Variants in NCR1 observed in about 807,000 individuals in gnomAD.
NCR1 encodes natural cytotoxicity triggering receptor 1, also known as NK cell-activating receptor.
NCR1 carries 30 observed loss-of-function variants against 32.5 expected under a neutral mutation model. That is an observed-to-expected ratio of 0.92 (90% CI 0.69 to 1.25). The LOEUF is 1.25. NCR1 is among the 50% of genes most tolerant of loss of function. NCR1 has a pLI of 0.00. For synonymous variants in NCR1, 169 were observed against 143.4 expected (o/e 1.18, Z -1.28); for missense variants, 369 against 380.7 (o/e 0.97, Z 0.26).
the NCR1 span, chr19:54,927,571 AAAAACAAAAC>A: frequency 3.2e-6 from 5 of 1,559,778 alleles, no homozygotes; most frequent in East Asian, 4.7e-5. Flanking sequence ...AACAAAAACA[AAAAACAAAAC>A]AAAACAAAAC....
chr19:54,929,503 C>T, the NCR1 span, among the ~76,000 whole-genome samples: 1 of 152,158 alleles, frequency 6.6e-6, no homozygotes, highest in East Asian at 1.9e-4. Context: ...CCAAGAGATG[C>T]AACTGACAAA....
downstream of NCR1, among the ~76,000 whole-genome samples, chr19:54,920,284 C>T (rs924155169): frequency 6.6e-6 from 1 of 152,046 alleles, no homozygotes; most frequent in South Asian, 2.1e-4. Flanking sequence ...GGCCACATCC[C>T]GAGAGGTTTT....
At chr19:54,910,463 A>G (rs1167608849) in intron 5 of NCR1, among the ~76,000 whole-genome samples, 1 of 152,022 alleles carries the variant, frequency 6.6e-6, no homozygotes, top group Non-Finnish European at 1.5e-5. Flanking sequence ...CCAGCTACTC[A>G]GGAGGCTGAG....
upstream of NCR1, among the ~76,000 whole-genome samples, chr19:54,904,233 C>T (rs143168082): frequency 6.1e-3 from 917 of 151,114 alleles, 9 homozygotes; most frequent in African/African-American, 0.021. Context: ...TTTATTGAAA[C>T]ATTATAACAC....
At chr19:54,933,215 G>A in the NCR1 span, among the ~76,000 whole-genome samples, 8 of 151,954 alleles carry the variant, frequency 5.3e-5, no homozygotes, top group South Asian at 2.1e-4. Context: ...GTGCGATCTC[G>A]GCTCACTGCA....
the NCR1 span, chr19:54,933,537 T>G: frequency 2.5e-6 from 4 of 1,607,970 alleles, no homozygotes; most frequent in African/African-American, 2.7e-5. Context: ...TGAATTCATG[T>G]GCACACACAC....
chr19:54,912,842 A>G lies in NCR1; in HGVS notation c.886A>G (p.Arg296Gly), dbSNP rs371941780. 13 of 1,613,754 alleles carry G rather than the reference A, an allele frequency of 8.1e-6. No individual in the cohort carries two copies. The highest frequency in any genetic ancestry group is 2.7e-5 in the African/African-American group (2 of 74,870). ...CAGCAGAGCTTCCACTTGGGAAGGC[A>G]GGAGAAGGCTGAACACACAGACTCT... ...RASRASTWEGRRRLNTQTL is the reference protein window; with the variant it reads ...RASRASTWEGGRRLNTQTL Residue 296 changes from arginine to glycine, a missense_variant, in exon 7 of 7, where the codon AGG (arginine) becomes GGG (glycine). Transcript: ENST00000291890.
the NCR1 span, among the ~76,000 whole-genome samples, chr19:54,900,874 G>A: frequency 6.6e-6 from 1 of 152,022 alleles, no homozygotes; most frequent in African/African-American, 2.4e-5. Context: ...AAATTAGACT[G>A]TGTTGACGGT....
Position 54,912,813 on chromosome 19 carries a change from G to T in NCR1, c.857G>T (p.Arg286Leu). 6.2e-7 allele frequency: 1 copy of T among 1,613,696 alleles called. No homozygotes were observed. Among genetic ancestry groups the T allele is most frequent in the Non-Finnish European group, 8.5e-7 (1 of 1,179,984 alleles). ...CTCAGCAGGAAGAGGACTAGAGAGCGAGCCAGCAGAGCTTCCACTTGGGAA... is the reference window on the plus strand; with the variant it reads ...CTCAGCAGGAAGAGGACTAGAGAGCTAGCCAGCAGAGCTTCCACTTGGGAA... The part of the protein sequence containing the change: ...DWLSRKRTRE[R>L]ASRASTWEGR... The change falls in exon 7 of 7, where the codon CGA becomes CTA. Residue 286 changes from arginine to leucine, a missense_variant. Arg to Leu is a moderately radical substitution (Grantham distance 102). Coordinates refer to ENST00000291890, the MANE Select transcript of NCR1 (RefSeq NM_004829.7).
downstream of NCR1, chr19:54,915,859 A>AAC (rs1039967350): frequency 4.8e-5 from 7 of 147,116 alleles, no homozygotes; most frequent in African/African-American, 1.0e-4. Context: ...AAAAAAAAAA[A>AAC]ACCACATAGG....
chr19:54,937,355 T>A, the NCR1 span, among the ~76,000 whole-genome samples: 1 of 151,936 alleles, frequency 6.6e-6, no homozygotes, highest in South Asian at 2.1e-4. Flanking sequence ...CCTGTACTTG[T>A]ACCTACTTTT....
chr19:54,927,862 C>T, the NCR1 span: 14 of 1,198,330 alleles, frequency 1.2e-5, no homozygotes, highest in South Asian at 7.3e-5. Context: ...GAGGCCAAGG[C>T]GGGTGGATCA....
the NCR1 span, among the ~76,000 whole-genome samples, chr19:54,931,698 A>C: frequency 6.6e-6 from 1 of 151,884 alleles, no homozygotes. Context: ...AAAAAAAAAA[A>C]AATTAGCCAG....
downstream of NCR1, among the ~76,000 whole-genome samples, chr19:54,914,743 CT>C (rs58541136): frequency 0.022 from 3,207 of 143,328 alleles, 76 homozygotes; most frequent in African/African-American, 0.07. Flanking sequence ...AAAGATAGCA[CT>C]TTTTTTTTTT....
At chr19:54,934,519 G>A in the NCR1 span, 1 of 1,614,170 alleles carries the variant, frequency 6.2e-7, no homozygotes, top group Admixed American at 1.7e-5. The surrounding 1 kb of genome is among the most constrained non-coding windows in gnomAD (Gnocchi z 6.7). Context: ...TTTTGGGCGT[G>A]TCATGGTCTT....
chr19:54,927,195 C>A, the NCR1 span, among the ~76,000 whole-genome samples: 1 of 151,906 alleles, frequency 6.6e-6, no homozygotes, highest in Non-Finnish European at 1.5e-5. Context: ...TCAAGACTAG[C>A]CTGGCCAACA....
upstream of NCR1, among the ~76,000 whole-genome samples, chr19:54,903,489 TACATATATGTATGTATAC>T (rs1162424408): frequency 8.1e-6 from 1 of 123,788 alleles, no homozygotes; most frequent in Non-Finnish European, 1.7e-5. Context: ...TGTATGTATA[TACATATATGTATGTATAC>T]ACGCATACAT....
the NCR1 span, chr19:54,933,638 A>G: frequency 6.6e-5 from 106 of 1,613,988 alleles, no homozygotes; most frequent in South Asian, 9.9e-5. Context: ...TGTATCCCCA[A>G]TGGGGTTCTT....
chr19:54,925,184 T>G, the NCR1 span, among the ~76,000 whole-genome samples: 2 of 151,896 alleles, frequency 1.3e-5, no homozygotes, highest in African/African-American at 4.8e-5. Context: ...AACTGAGGAA[T>G]GAGAAAAGAA....
Sources: allele counts gnomAD v4.1 joint callset (sites outside exome capture counted in the v4.1 genomes callset), GRCh38; gene constraint gnomAD v4.1.1; non-coding constraint Gnocchi (gnomAD v3.1); transcripts MANE v1.5; gene names NCBI Gene and HGNC (gene_info 2026-07-23, HGNC 2026-07-21).